Variants in GRIK3 observed in about 807,000 individuals in gnomAD.
The protein encoded by GRIK3 is glutamate receptor ionotropic, kainate 3.
GRIK3 carries 29 observed loss-of-function variants against 102.5 expected under a neutral mutation model. The ratio of observed to expected loss-of-function variants is 0.28; its 90% CI spans 0.21 to 0.39. The LOEUF (loss-of-function observed/expected upper bound fraction) is 0.39. Ranked by LOEUF, GRIK3 falls within the 10% of genes least tolerant of loss-of-function variation. The pLI, the probability that GRIK3 is intolerant of heterozygous loss-of-function variation, is 1.00. For missense variants in GRIK3, 908 were observed against 1,252.4 expected (o/e 0.73, Z 4.15); for synonymous variants, 511 against 504.9 (o/e 1.01, Z -0.16).
intron 1 of GRIK3, among the ~76,000 whole-genome samples, chr1:36,982,906 G>C (rs564014009): frequency 1.8e-4 from 27 of 152,304 alleles, no homozygotes; most frequent in Admixed American, 5.2e-4. Flanking sequence ...GCAGCTCTCA[G>C]AGGGCCGCTG....
intron 1 of GRIK3, among the ~76,000 whole-genome samples, chr1:37,010,457 G>A (rs1642582057): frequency 6.6e-6 from 1 of 152,194 alleles, no homozygotes; most frequent in Non-Finnish European, 1.5e-5. Flanking sequence ...GTCAGGAAGT[G>A]GTGGAGCCGG....
chr1:36,850,229 G>C lies in GRIK3; in HGVS notation c.1326+82C>G. Reference sequence around the variant, plus strand: ...GCAGCCTCCATCTTCTGGGTGGGGGGGATAGAGGGGACTCTCCAGCCCGAA... The same window carrying C: ...GCAGCCTCCATCTTCTGGGTGGGGGCGATAGAGGGGACTCTCCAGCCCGAA... On this transcript the variant is annotated intron_variant, in intron 9 of 15. Coordinates refer to ENST00000373091, the MANE Select transcript of GRIK3 (RefSeq NM_000831.4). This position sits in a 1 kb window ranked among gnomAD's most constrained non-coding sequence, Gnocchi z 4.0. The C allele has an allele frequency of 1.2e-6, 1 of 828,860 alleles. No individual in the cohort carries two copies. The highest frequency in any genetic ancestry group is 2.1e-6 in the Non-Finnish European group (1 of 473,278). 51.3% of individuals were successfully genotyped at this position (828,860 alleles called of 1,614,324 possible). A position where few individuals can be genotyped will look rare whatever the true frequency, so the allele number is the denominator to read the frequency against.
intron 1 of GRIK3, among the ~76,000 whole-genome samples, chr1:36,916,888 C>T (rs1641408050): frequency 6.6e-6 from 1 of 152,162 alleles, no homozygotes; most frequent in Non-Finnish European, 1.5e-5. Context: ...TGGGGCACCA[C>T]CTAGTGGAGC....
At chr1:37,004,504 C>T (rs1642511357) in intron 1 of GRIK3, among the ~76,000 whole-genome samples, 1 of 152,156 alleles carries the variant, frequency 6.6e-6, no homozygotes, top group Admixed American at 6.5e-5. Context: ...CCCCCACTTT[C>T]CTGCCCCTTG....
chr1:36,932,125 G>A (rs1641597937), intron 1 of GRIK3, among the ~76,000 whole-genome samples: 1 of 152,086 alleles, frequency 6.6e-6, no homozygotes, highest in African/African-American at 2.4e-5. Flanking sequence ...TGGCCTCTCC[G>A]CTTGTTTCTC....
At chr1:36,853,789 C>A in intron 7 of GRIK3, 67 bp from the exon 8 acceptor site, 1 of 867,058 alleles carries the variant, frequency 1.2e-6, no homozygotes, top group South Asian at 1.3e-5. Context: ...TACAACTGTA[C>A]AATGCTTCAT....
In GRIK3 at chr1:36,806,430, T is replaced by C. The variant is rs1642503370; in HGVS notation, c.2092-104A>G. On this transcript the variant is annotated intron_variant, in intron 13 of 15. Coordinates refer to ENST00000373091, the MANE Select transcript of GRIK3 (RefSeq NM_000831.4). The surrounding 1 kb of genome is among the most constrained non-coding windows in gnomAD (Gnocchi z 4.0). ...GTGGGTTGGGGCCTTGAACTCGGTC[T>C]ACAATCTTCAGAGAAAGGAAGTGCT... The C allele has an allele frequency of 1.5e-6, 1 of 663,638 alleles. No homozygotes were observed. Among genetic ancestry groups the C allele is most frequent in the Admixed American group, 2.6e-5 (1 of 38,532 alleles). The allele number at this position is 663,638 out of a possible 1,614,324, so 41.1% of individuals were successfully genotyped here. A position where few individuals can be genotyped will look rare whatever the true frequency, so the allele number is the denominator to read the frequency against.
chr1:36,861,258 A>C (rs1640721127), intron 5 of GRIK3, among the ~76,000 whole-genome samples: 1 of 152,144 alleles, frequency 6.6e-6, no homozygotes, highest in Admixed American at 6.5e-5. Flanking sequence ...TGATTTTTTG[A>C]AATATATACT....
At chr1:37,005,616 C>T (rs77393602) in intron 1 of GRIK3, among the ~76,000 whole-genome samples, 5,947 of 152,210 alleles carry the variant, frequency 0.039, 283 homozygotes, top group African/African-American at 0.11. Flanking sequence ...ACAATAAAGA[C>T]GGGAGGGCTG....
At position 36,805,108 on chromosome 1, in the gene GRIK3, G is replaced by C. The variant is rs1190433597; in HGVS notation, c.2444C>G (p.Ala815Gly). Residue 815 changes from alanine to glycine, a missense_variant, in exon 15 of 16, where the codon GCC becomes GGC. By Grantham distance (60) the Ala-to-Gly change is moderately conservative. Transcript: ENST00000373091. ...GCCCCCGATCTTCTGGATCCCCAGG[G>C]CACTGGCCTCTTTGTTTTCCTCCTC... ...CPEEENKEASALGIQKIGGIF... is the reference protein window; with the variant it reads ...CPEEENKEASGLGIQKIGGIF... 4 of 1,614,086 alleles carry C rather than the reference G, an allele frequency of 2.5e-6. No homozygotes were observed. The Admixed American group carries it at 6.7e-5, about 27-fold the overall frequency.
intron 9 of GRIK3, among the ~76,000 whole-genome samples, chr1:36,843,415 C>T (rs1184034362): frequency 6.6e-6 from 1 of 152,194 alleles, no homozygotes; most frequent in African/African-American, 2.4e-5. Context: ...CACTAGCTTG[C>T]AAGATAGTAA....
chr1:36,824,915 G>A (rs1355858762), intron 11 of GRIK3, among the ~76,000 whole-genome samples: 1 of 152,192 alleles, frequency 6.6e-6, no homozygotes, highest in African/African-American at 2.4e-5. Flanking sequence ...TCCTCTTTAA[G>A]GGAGGCTGGA....
At chr1:36,849,140 C>T (rs1640552282) in intron 9 of GRIK3, among the ~76,000 whole-genome samples, 1 of 152,182 alleles carries the variant, frequency 6.6e-6, no homozygotes, top group Non-Finnish European at 1.5e-5. Context: ...CACTGGGCTA[C>T]CTGGAAGAAT....
chr1:36,902,374 T>C (rs1250866159), intron 1 of GRIK3, among the ~76,000 whole-genome samples: 1 of 152,192 alleles, frequency 6.6e-6, no homozygotes, highest in East Asian at 1.9e-4. Flanking sequence ...TGTTGGCATA[T>C]AGACAGACAA....
rs571887529 is a variant in GRIK3, at chr1:36,802,059, G to T, written c.2566-14C>A. The stretch of plus-strand genomic sequence containing the variant: ...GCAGAAGGAACGCTGCAGGAGGGTG[G>T]AGGAGAGGGGTCGGAAAAGGGGCAC... On this transcript the variant is annotated splice_polypyrimidine_tract_variant and intron_variant, in intron 15 of 15. Coordinates refer to ENST00000373091, the MANE Select transcript of GRIK3 (RefSeq NM_000831.4). 2.5e-6 allele frequency: 4 copies of T among 1,592,648 alleles called. 1 individual carries two copies. The African/African-American group carries it at 4.0e-5, about 16-fold the overall frequency.
intron 5 of GRIK3, among the ~76,000 whole-genome samples, chr1:36,865,447 C>T (rs1160030734): frequency 6.6e-6 from 1 of 152,172 alleles, no homozygotes; most frequent in Non-Finnish European, 1.5e-5. Flanking sequence ...GACCAATGGG[C>T]ACAAAGAGGG....
At chr1:36,814,344 C>T (rs377329304) in intron 13 of GRIK3, among the ~76,000 whole-genome samples, 36 of 152,186 alleles carry the variant, frequency 2.4e-4, no homozygotes, top group African/African-American at 8.7e-4. Flanking sequence ...GATGCTCTGG[C>T]ACAAAGGGCT....
chr1:36,803,681 G>A (rs531106101), intron 15 of GRIK3, among the ~76,000 whole-genome samples: 5 of 152,212 alleles, frequency 3.3e-5, no homozygotes, highest in South Asian at 2.1e-4. Flanking sequence ...CACCCGACTC[G>A]GCCTCCCAAA....
At chr1:36,975,545 G>C (rs1452677911) in intron 1 of GRIK3, among the ~76,000 whole-genome samples, 1 of 152,158 alleles carries the variant, frequency 6.6e-6, no homozygotes, top group East Asian at 1.9e-4. Flanking sequence ...CTCCCGCCTT[G>C]GCCTCCCAAA....
Sources: gnomAD v4.1 joint callset for allele counts (sites outside exome capture counted in the v4.1 genomes callset) on GRCh38, gnomAD v4.1.1 for gene constraint, Gnocchi (gnomAD v3.1) non-coding constraint, MANE v1.5 for transcripts, NCBI Gene and HGNC (gene_info 2026-07-23, HGNC 2026-07-21) for gene names.